LRCH1: variants seen among roughly 807,000 people sequenced by gnomAD.
The protein encoded by LRCH1 is leucine-rich repeat and calponin homology domain-containing protein 1.
Under a neutral mutation model 94.9 loss-of-function variants are expected in LRCH1, and 23 were observed. The observed-to-expected ratio is 0.24, with a 90% CI of 0.17 to 0.34. The LOEUF (loss-of-function observed/expected upper bound fraction) is 0.34. Ranked by LOEUF, LRCH1 falls within the 10% of genes least tolerant of loss-of-function variation. LRCH1 has a pLI of 1.00. For missense variants in LRCH1, 790 were observed against 945.9 expected (o/e 0.84, Z 2.16); for synonymous variants, 364 against 354.9 (o/e 1.03, Z -0.29).
intron 1 of LRCH1, among the ~76,000 whole-genome samples, chr13:46,648,511 C>T (rs1009944215): frequency 6.6e-6 from 1 of 152,200 alleles, no homozygotes. Context: ...CTCATCCTCT[C>T]AGGGCTCTTC....
chr13:46,598,858 T>C (rs2050596126), intron 1 of LRCH1, among the ~76,000 whole-genome samples: 1 of 152,202 alleles, frequency 6.6e-6, no homozygotes, highest in African/African-American at 2.4e-5. Context: ...TTTTTATAAT[T>C]GCAAAATACA....
chr13:46,573,635 C>G (rs1229641863), intron 1 of LRCH1, among the ~76,000 whole-genome samples: 1 of 151,676 alleles, frequency 6.6e-6, no homozygotes, highest in Non-Finnish European at 1.5e-5. Context: ...CACAGAAAGA[C>G]AAACTTCGCA....
In LRCH1 at chr13:46,744,116, G is replaced by A; in HGVS notation, c.*2268G>A. 1.0e-6 allele frequency: 1 copy of A among 985,366 alleles called. No homozygotes were observed. The highest frequency in any genetic ancestry group is 1.2e-6 in the Non-Finnish European group (1 of 829,912). The allele number at this position is 985,366 out of a possible 1,614,324, so 61.0% of individuals were successfully genotyped here. On this transcript the variant is annotated 3_prime_UTR_variant, in exon 20 of 20. Transcript: ENST00000389797. ...TCTAATCAGAATATTAAGCTTCTCTGTGGTTTTTCTCCAAGGTACCCGTGC... is the reference window on the plus strand; with the variant it reads ...TCTAATCAGAATATTAAGCTTCTCTATGGTTTTTCTCCAAGGTACCCGTGC...
At chr13:46,716,897 CT>C (rs1156551693) in intron 16 of LRCH1, among the ~76,000 whole-genome samples, 1 of 131,136 alleles carries the variant, frequency 7.6e-6, no homozygotes, top group Admixed American at 7.4e-5. Flanking sequence ...ATTTTCTTTA[CT>C]TAAGTTTTTT....
intron 2 of LRCH1, 73 bp from the exon 3 acceptor site, chr13:46,668,957 T>C: frequency 6.6e-7 from 1 of 1,510,270 alleles, no homozygotes; most frequent in East Asian, 2.3e-5. Flanking sequence ...TCCTTTCTTG[T>C]TAAAAACAGG....
chr13:46,625,216 T>G (rs566155093), intron 1 of LRCH1, among the ~76,000 whole-genome samples: 1 of 152,344 alleles, frequency 6.6e-6, no homozygotes, highest in Non-Finnish European at 1.5e-5. Context: ...GTGTTAGCAG[T>G]ACCCTCTTCC....
At chr13:46,620,200 C>A (rs948363783) in intron 1 of LRCH1, among the ~76,000 whole-genome samples, 3 of 152,110 alleles carry the variant, frequency 2.0e-5, no homozygotes, top group Non-Finnish European at 2.9e-5. Flanking sequence ...CAGTTTCTTG[C>A]ATATCCTTCT....
chr13:46,621,805 A>AT (rs1176328811), intron 1 of LRCH1, among the ~76,000 whole-genome samples: 1 of 152,170 alleles, frequency 6.6e-6, no homozygotes, highest in African/African-American at 2.4e-5. Context: ...GACAATTGTT[A>AT]TTTTTTGTAT....
rs1398579364 is a variant in LRCH1 at position 46,742,294 on chromosome 13, A to G, written c.*446A>G. 1 of 1,020,244 alleles carries G rather than the reference A, an allele frequency of 9.8e-7. No individual in the cohort carries two copies. Among genetic ancestry groups the G allele is most frequent in the African/African-American group, 1.7e-5 (1 of 58,294 alleles). The allele number at this position is 1,020,244 out of a possible 1,614,324, so 63.2% of individuals were successfully genotyped here. ...TCGGGACTGGGCAATTGAGCTGTAT[A>G]GGGGCCACCTTGCAGGGAGGACAGA... On this transcript the variant is annotated 3_prime_UTR_variant, in exon 20 of 20. Coordinates refer to ENST00000389797, the MANE Select transcript of LRCH1 (RefSeq NM_001164211.2).
intron 2 of LRCH1, among the ~76,000 whole-genome samples, chr13:46,657,240 C>T (rs377548374): frequency 6.6e-6 from 1 of 151,730 alleles, no homozygotes; most frequent in East Asian, 1.9e-4. Context: ...CCCAAATGAA[C>T]AAGTTCCAAA....
chr13:46,713,592 A>G (rs986241761), intron 15 of LRCH1, among the ~76,000 whole-genome samples: 6 of 152,232 alleles, frequency 3.9e-5, no homozygotes, highest in Non-Finnish European at 7.3e-5. Context: ...AATGGGCCAT[A>G]GAAGAAAAGC....
rs138469527 is a variant in LRCH1, at chr13:46,556,915, G to A, written c.307+3212G>A. Among the ~76,000 whole-genome samples the A allele has an allele frequency of 5.7e-3, 871 of 152,296 alleles. 9 individuals are homozygous for A. Among genetic ancestry groups the A allele is most frequent in the African/African-American group, 0.019 (807 of 41,564 alleles). ...CAACAGTGACCAAAAGAGAATCCCT[G>A]TATCCCTTCTTGTGGAGTTCATTCT... On this transcript the variant is annotated intron_variant, in intron 1 of 19. Coordinates refer to ENST00000389797, the MANE Select transcript of LRCH1 (RefSeq NM_001164211.2).
At chr13:46,679,664 C>T (rs528975213) in intron 3 of LRCH1, among the ~76,000 whole-genome samples, 5 of 152,254 alleles carry the variant, frequency 3.3e-5, no homozygotes, top group East Asian at 1.9e-4. Context: ...ATAGAGCAAC[C>T]GCAGTTGGGG....
At chr13:46,583,377 T>C (rs1344178949) in intron 1 of LRCH1, among the ~76,000 whole-genome samples, 1 of 152,246 alleles carries the variant, frequency 6.6e-6, no homozygotes, top group East Asian at 1.9e-4. Context: ...TCTTGATAAA[T>C]TAAGTCAATG....
intron 1 of LRCH1, among the ~76,000 whole-genome samples, chr13:46,642,573 T>C (rs1473725411): frequency 6.6e-6 from 1 of 152,248 alleles, no homozygotes; most frequent in Non-Finnish European, 1.5e-5. Context: ...GGTCAGATTC[T>C]TGTTGCTCTG....
chr13:46,696,395 A>G (rs1871192079), intron 9 of LRCH1, among the ~76,000 whole-genome samples: 1 of 152,238 alleles, frequency 6.6e-6, no homozygotes. Context: ...TCGAGCATTC[A>G]TCTTAAGTTA....
At chr13:46,721,222 G>A (rs750000046) in intron 16 of LRCH1, among the ~76,000 whole-genome samples, 2 of 152,080 alleles carry the variant, frequency 1.3e-5, no homozygotes, top group Non-Finnish European at 2.9e-5. Flanking sequence ...ATTGAAATCT[G>A]CCAATAAAAA....
intron 1 of LRCH1, among the ~76,000 whole-genome samples, chr13:46,595,149 T>C (rs1209025150): frequency 6.6e-6 from 1 of 152,254 alleles, no homozygotes; most frequent in African/African-American, 2.4e-5. Flanking sequence ...AGTTTTGTTC[T>C]GTCATCTCCC....
At chr13:46,693,327 A>G (rs1277636006) in intron 8 of LRCH1, among the ~76,000 whole-genome samples, 3 of 152,216 alleles carry the variant, frequency 2.0e-5, no homozygotes, top group Non-Finnish European at 4.4e-5. Context: ...AGCTCCTTTC[A>G]TACCATGACT....
Sources: gnomAD v4.1 joint callset for allele counts (sites outside exome capture counted in the v4.1 genomes callset) on GRCh38, gnomAD v4.1.1 for gene constraint, MANE v1.5 for transcripts, NCBI Gene and HGNC (gene_info 2026-07-23, HGNC 2026-07-21) for gene names.